The following ZFAT variants were observed in gnomAD, a reference collection of about 807,000 sequenced individuals.
ZFAT encodes zinc finger protein ZFAT.
A neutral mutation model predicts 117.7 loss-of-function variants in ZFAT; 64 were observed. The ratio of observed to expected loss-of-function variants is 0.54; its 90% CI spans 0.44 to 0.67. The LOEUF is 0.67. Among genes scored for constraint, ZFAT ranks in the 30% least tolerant of loss-of-function variants. ZFAT has a pLI of 0.00. For synonymous variants in ZFAT, 679 were observed against 615.0 expected (o/e 1.10, Z -1.54); for missense variants, 1,433 against 1,584.5 (o/e 0.90, Z 1.62).
intron 15 of ZFAT, among the ~76,000 whole-genome samples, chr8:134,493,435 C>T (rs1316885226): frequency 6.6e-6 from 1 of 152,252 alleles, no homozygotes; most frequent in Non-Finnish European, 1.5e-5. Context: ...GGTTTCCATA[C>T]TGGCCAAACC....
chr8:134,600,274 G>T, intron 7 of ZFAT, 162 bp downstream of exon 7: 1 of 704,994 alleles, frequency 1.4e-6, no homozygotes, highest in Non-Finnish European at 2.5e-6. Flanking sequence ...GCTGTGAAAG[G>T]AACCTGGGAA....
At chr8:134,675,414 GA>G (rs1182028919) in intron 1 of ZFAT, among the ~76,000 whole-genome samples, 1 of 152,146 alleles carries the variant, frequency 6.6e-6, no homozygotes, top group Non-Finnish European at 1.5e-5. Context: ...AAAAAAGGGT[GA>G]AAAGAAGCAA....
chr8:134,691,479 ACT>A (rs904604481), intron 1 of ZFAT, among the ~76,000 whole-genome samples: 2 of 152,110 alleles, frequency 1.3e-5, no homozygotes, highest in African/African-American at 4.8e-5. Flanking sequence ...ACAAACGAGA[ACT>A]CTGGCCACAG....
the ZFAT span, among the ~76,000 whole-genome samples, chr8:134,772,534 G>C: frequency 6.6e-6 from 1 of 152,148 alleles, no homozygotes; most frequent in African/African-American, 2.4e-5. Context: ...AAGTAAAGTT[G>C]GAAGCTAGCA....
chr8:134,593,942 G>T (rs1237822254), intron 7 of ZFAT, among the ~76,000 whole-genome samples: 1 of 152,230 alleles, frequency 6.6e-6, no homozygotes, highest in African/African-American at 2.4e-5. Flanking sequence ...AACCATCAGT[G>T]AGGATGTCTG....
At chr8:134,795,201 T>A in the ZFAT span, 1 of 152,210 alleles carries the variant, frequency 6.6e-6, no homozygotes, top group Admixed American at 6.5e-5. Context: ...ACGAAATGAA[T>A]GTTGCTGGGG....
intron 3 of ZFAT, among the ~76,000 whole-genome samples, chr8:134,619,936 A>G (rs75115746): frequency 3.9e-5 from 6 of 151,978 alleles, no homozygotes; most frequent in Non-Finnish European, 7.4e-5. Context: ...GCTTCCCACA[A>G]CCCCTCCTGC....
chr8:134,512,168 G>A (rs1331413485), intron 14 of ZFAT, among the ~76,000 whole-genome samples: 1 of 152,240 alleles, frequency 6.6e-6, no homozygotes, highest in African/African-American at 2.4e-5. Context: ...TTCTGCATCT[G>A]TGAAGTGAGA....
the ZFAT span, chr8:134,797,762 A>T: frequency 6.6e-6 from 1 of 151,984 alleles, no homozygotes; most frequent in Admixed American, 6.6e-5. Context: ...ATTTATATAC[A>T]TATAAAAATT....
chr8:134,519,522 A>G (rs1348754170), intron 13 of ZFAT, among the ~76,000 whole-genome samples: 1 of 152,254 alleles, frequency 6.6e-6, no homozygotes, highest in African/African-American at 2.4e-5. Flanking sequence ...ACATGTATCT[A>G]CAACTAACTG....
the ZFAT span, among the ~76,000 whole-genome samples, chr8:134,731,959 CCA>C: frequency 2.8e-4 from 43 of 152,192 alleles, no homozygotes; most frequent in African/African-American, 1.0e-3. Context: ...AAACAGGGGC[CCA>C]GAGTGGGTAC....
At chr8:134,494,169 C>T (rs1303307140) in intron 15 of ZFAT, among the ~76,000 whole-genome samples, 2 of 152,226 alleles carry the variant, frequency 1.3e-5, no homozygotes, top group Non-Finnish European at 2.9e-5. Flanking sequence ...CACACCCCTG[C>T]CTGGTGATCC....
intron 11 of ZFAT, among the ~76,000 whole-genome samples, chr8:134,548,782 A>C (rs904021204): frequency 6.6e-6 from 1 of 152,166 alleles, no homozygotes; most frequent in South Asian, 2.1e-4. Flanking sequence ...CATGGAAAAC[A>C]TTGACTTATG....
At chr8:134,722,377 C>T in the ZFAT span, among the ~76,000 whole-genome samples, 2 of 152,178 alleles carry the variant, frequency 1.3e-5, no homozygotes, top group East Asian at 3.9e-4. Flanking sequence ...AAGGGTGGCT[C>T]TCTTGGCCAG....
intron 2 of ZFAT, among the ~76,000 whole-genome samples, chr8:134,653,515 TC>T (rs753591262): frequency 4.4e-5 from 6 of 136,552 alleles, no homozygotes; most frequent in Admixed American, 1.6e-4. Context: ...TCCTCCTCCC[TC>T]AACTTCTCAA....
intron 3 of ZFAT, among the ~76,000 whole-genome samples, chr8:134,637,154 T>G (rs1830266432): frequency 6.6e-6 from 1 of 152,268 alleles, no homozygotes; most frequent in South Asian, 2.1e-4. Context: ...AAACCTTGTC[T>G]TCTTTCCCAG....
chr8:134,591,759 A>T (rs2315836), intron 7 of ZFAT, among the ~76,000 whole-genome samples: 118,214 of 152,078 alleles, frequency 0.78, 46,666 homozygotes, highest in East Asian at 0.91. Context: ...GAGCAATGCA[A>T]CTGCCAGCCA....
chr8:134,633,556 T>A (rs1830023633), intron 3 of ZFAT, among the ~76,000 whole-genome samples: 2 of 152,216 alleles, frequency 1.3e-5, no homozygotes, highest in Non-Finnish European at 1.5e-5. Context: ...GAAGAAATGC[T>A]GTACAGCCTT....
rs1037118030 is a variant in ZFAT, at chr8:134,687,335, A to C, written c.19+25510T>G. On this transcript the variant is annotated intron_variant, in intron 1 of 15. Transcript: ENST00000377838. ...AGCTGGATTAACAAAATAAAATGAG[A>C]AATACTCAGCATCAGCTATAATTAG... 5.9e-5 allele frequency among the ~76,000 whole-genome samples: 9 copies of C among 152,302 alleles called. No individual in the cohort carries two copies. The East Asian group carries it at 1.7e-3, about 29-fold the overall frequency.
Sources: gnomAD v4.1 joint callset for allele counts (sites outside exome capture counted in the v4.1 genomes callset) on GRCh38, gnomAD v4.1.1 for gene constraint, MANE v1.5 for transcripts, NCBI Gene and HGNC (gene_info 2026-07-23, HGNC 2026-07-21) for gene names.